NBEA: variants seen among roughly 807,000 people sequenced by gnomAD.
NBEA encodes lysosomal-trafficking regulator 2.
NBEA carries 44 observed loss-of-function variants against 343.4 expected under a neutral mutation model. The observed-to-expected ratio is 0.13, with a 90% CI of 0.10 to 0.16. The LOEUF is 0.16. NBEA is among the 10% of genes least tolerant of loss of function. The pLI, the probability that NBEA is intolerant of heterozygous loss-of-function variation, is 1.00. For synonymous variants in NBEA, 1,175 were observed against 1,238.7 expected, an observed-to-expected ratio of 0.95 and a Z score of 1.08; for missense variants, 2,555 against 3,631.3, an observed-to-expected ratio of 0.70 and a Z score of 7.62.
chr13:35,634,275 G>C lies in NBEA; in HGVS notation c.7617+6027G>C, dbSNP rs185446255. Among the ~76,000 whole-genome samples, 3 of 152,128 alleles carry C rather than the reference G, an allele frequency of 2.0e-5. No individual in the cohort carries two copies. In the South Asian group the frequency reaches 6.2e-4, roughly 32 times the overall value. On this transcript the variant is annotated intron_variant, in intron 49 of 58. Coordinates refer to ENST00000379939, the MANE Select transcript of NBEA (RefSeq NM_001385012.1). ...GGAGAATGGTGTGAACCCGGGAGGC[G>C]CAGCTTGTAGTGAGCCAAGATCATA... is the stretch of plus-strand genomic sequence containing the variant.
chr13:35,156,285 A>G (rs2069168757), intron 20 of NBEA, 79 bp downstream of exon 20: 52 of 1,353,342 alleles, frequency 3.8e-5, no homozygotes, highest in Non-Finnish European at 4.9e-5. Flanking sequence ...ATTCATTTCA[A>G]ATCTTTTCCA....
chr13:35,603,032 CT>C (rs1294878503), intron 47 of NBEA, among the ~76,000 whole-genome samples: 1 of 152,126 alleles, frequency 6.6e-6, no homozygotes, highest in Non-Finnish European at 1.5e-5. Flanking sequence ...ACTTTTGAGC[CT>C]TTTAAATGTA....
At chr13:35,395,225 A>T (rs1250289484) in intron 38 of NBEA, among the ~76,000 whole-genome samples, 2 of 151,916 alleles carry the variant, frequency 1.3e-5, no homozygotes, top group Non-Finnish European at 2.9e-5. Context: ...CCCAAATCTA[A>T]TGTTGAATTA....
intron 33 of NBEA, among the ~76,000 whole-genome samples, chr13:35,211,744 G>A (rs921005322): frequency 1.3e-4 from 20 of 151,970 alleles, no homozygotes; most frequent in African/African-American, 4.1e-4. Context: ...ACTTGAACCC[G>A]GGAGGCAGAG....
At chr13:35,559,363 C>T (rs1200113737) in intron 44 of NBEA, among the ~76,000 whole-genome samples, 1 of 152,108 alleles carries the variant, frequency 6.6e-6, no homozygotes, top group East Asian at 1.9e-4. Context: ...AATAATCATA[C>T]TATTTTATAA....
chr13:35,407,149 G>A (rs1216058243), intron 38 of NBEA, among the ~76,000 whole-genome samples: 1 of 149,970 alleles, frequency 6.7e-6, no homozygotes, highest in Admixed American at 6.6e-5. Flanking sequence ...TTTTTCAGTA[G>A]AGACAGGGTT....
At chr13:35,408,541 A>T (rs537540604) in intron 38 of NBEA, among the ~76,000 whole-genome samples, 2 of 152,238 alleles carry the variant, frequency 1.3e-5, no homozygotes, top group Admixed American at 6.5e-5. Flanking sequence ...TGCACAGCAG[A>T]AGAAAATATC....
chr13:35,267,669 CAAAA>C (rs772755511), intron 34 of NBEA, among the ~76,000 whole-genome samples: 7 of 151,040 alleles, frequency 4.6e-5, no homozygotes, highest in African/African-American at 7.3e-5. Context: ...AAAAAAAACT[CAAAA>C]AAGCACAAAA....
chr13:35,326,990 A>G (rs2038607323), intron 36 of NBEA, among the ~76,000 whole-genome samples: 1 of 152,050 alleles, frequency 6.6e-6, no homozygotes, highest in African/African-American at 2.4e-5. Context: ...ACAAACATAC[A>G]AAAAGAAGAC....
At chr13:35,053,158 T>G (rs2063125056) in intron 6 of NBEA, among the ~76,000 whole-genome samples, 1 of 152,148 alleles carries the variant, frequency 6.6e-6, no homozygotes, top group Admixed American at 6.6e-5. Flanking sequence ...CTGCCAGTTA[T>G]TTTCTTTAAC....
rs555606500 is a variant in NBEA, at chr13:35,100,755, C to G, written c.1680+2350C>G. Among the ~76,000 whole-genome samples, 5 of 152,024 alleles carry G rather than the reference C, an allele frequency of 3.3e-5. No individual in the cohort carries two copies. The South Asian group carries it at 1.0e-3, about 32-fold the overall frequency. ...TATTTCATTGTGGTTTTAATTTGCA[C>G]TTTTCCTAGATTTCGAATAAGATTA... On this transcript the variant is annotated intron_variant, in intron 11 of 58. Coordinates refer to ENST00000379939, the MANE Select transcript of NBEA (RefSeq NM_001385012.1).
intron 10 of NBEA, among the ~76,000 whole-genome samples, chr13:35,077,586 A>C (rs1434522270): frequency 6.6e-6 from 1 of 152,198 alleles, no homozygotes; most frequent in Non-Finnish European, 1.5e-5. Context: ...CCCTCCATCC[A>C]TATTGCTACT....
rs200109333 is a variant in NBEA at position 35,319,600 on chromosome 13, C to CG, written c.5903+10008_5903+10009insG. On this transcript the variant is annotated intron_variant, in intron 36 of 58. Coordinates refer to ENST00000379939, the MANE Select transcript of NBEA (RefSeq NM_001385012.1). ...TTGGGTTGGAGAGTTCTGTAGATGT[C>CG]TATTAGGTCCACTTGGTCCAGAGCT... Among the ~76,000 whole-genome samples the CG allele has an allele frequency of 7.7e-3, 1,165 of 152,246 alleles. 15 individuals are homozygous for CG. Among genetic ancestry groups the CG allele is most frequent in the African/African-American group, 0.026 (1,097 of 41,538 alleles).
At chr13:35,465,128 A>C (rs1270907273) in intron 40 of NBEA, among the ~76,000 whole-genome samples, 1 of 152,092 alleles carries the variant, frequency 6.6e-6, no homozygotes, top group Admixed American at 6.5e-5. Flanking sequence ...TCTAAAATAC[A>C]GTTATCTTTT....
At chr13:35,184,932 T>C (rs914520959) in intron 30 of NBEA, among the ~76,000 whole-genome samples, 1 of 152,124 alleles carries the variant, frequency 6.6e-6, no homozygotes. Flanking sequence ...AATATGATGG[T>C]GTTTACTCCT....
rs762630117 is a variant in NBEA, at chr13:35,232,516, G to A, written c.5673G>A (p.Ala1891=). The change falls in exon 34 of 59, where the codon GCG becomes GCA. Residue 1891 remains alanine (A), a synonymous_variant. Transcript: ENST00000379939. ...NMSITAKLER[A]LEKVAPLLRE... is the part of the protein sequence containing the mutation. ...GCATCACTGCAAAACTTGAAAGAGC[G>A]TTAGAAAAAGTTGCTCCTCTTCTTC... 134 of 1,547,262 alleles carry A rather than the reference G, an allele frequency of 8.7e-5. No homozygotes were observed. Among genetic ancestry groups the A allele is most frequent in the South Asian group, 1.3e-4 (11 of 83,490 alleles).
intron 31 of NBEA, among the ~76,000 whole-genome samples, chr13:35,206,706 A>G (rs1050580847): frequency 4.8e-4 from 73 of 152,146 alleles, no homozygotes; most frequent in Non-Finnish European, 4.7e-4. Flanking sequence ...GACAAAGTCC[A>G]TTTAAATATG....
intron 34 of NBEA, among the ~76,000 whole-genome samples, chr13:35,233,191 G>A (rs1185192118): frequency 6.6e-6 from 1 of 152,054 alleles, no homozygotes; most frequent in Non-Finnish European, 1.5e-5. Context: ...TTTTTAAAAA[G>A]TTTTGTTTTA....
At chr13:35,016,752 G>C (rs1341550792) in intron 1 of NBEA, among the ~76,000 whole-genome samples, 2 of 152,154 alleles carry the variant, frequency 1.3e-5, no homozygotes, top group Non-Finnish European at 2.9e-5. Context: ...AGTGTAGTCA[G>C]TGAATGCCTC....
Sources: gnomAD v4.1 joint callset for allele counts (sites outside exome capture counted in the v4.1 genomes callset) on GRCh38, gnomAD v4.1.1 for gene constraint, MANE v1.5 for transcripts, NCBI Gene and HGNC (gene_info 2026-07-23, HGNC 2026-07-21) for gene names.